Variants in TMEM266 observed in about 807,000 individuals in gnomAD.
TMEM266 encodes the protein transmembrane protein 266, also known as Hv1 related protein 1.
In TMEM266, 33 loss-of-function variants were observed where a neutral mutation model predicts 50.5. That is an observed-to-expected ratio of 0.65 (90% CI 0.50 to 0.87). The LOEUF (loss-of-function observed/expected upper bound fraction) is 0.87, where lower values mean the gene tolerates loss of function less well. Among genes scored for constraint, TMEM266 ranks in the 40% least tolerant of loss-of-function variants. The pLI is 0.00. For missense variants in TMEM266, 655 were observed against 695.1 expected, an observed-to-expected ratio of 0.94 and a Z score of 0.65; for synonymous variants, 310 against 292.3, an observed-to-expected ratio of 1.06 and a Z score of -0.62.
chr15:76,090,491 C>CAA (rs34778511), intron 1 of TMEM266, among the ~76,000 whole-genome samples: 20,510 of 73,910 alleles, frequency 0.28, 2,371 homozygotes, highest in Non-Finnish European at 0.37. Context: ...GACTCTGTCT[C>CAA]AAAAAAAAAA....
intron 1 of TMEM266, among the ~76,000 whole-genome samples, chr15:76,104,264 A>G (rs924360225): frequency 6.6e-6 from 1 of 152,190 alleles, no homozygotes; most frequent in Non-Finnish European, 1.5e-5. Flanking sequence ...TCTCCAATAT[A>G]GATAGTAGCC....
intron 9 of TMEM266, among the ~76,000 whole-genome samples, chr15:76,193,133 C>CTCTG (rs2038607148): frequency 6.6e-6 from 1 of 152,240 alleles, no homozygotes; most frequent in South Asian, 2.1e-4. Flanking sequence ...TTAACTCCAG[C>CTCTG]TCTGTCTGCC....
chr15:76,084,606 T>G (rs1206764598), intron 1 of TMEM266, among the ~76,000 whole-genome samples: 1 of 148,888 alleles, frequency 6.7e-6, no homozygotes, highest in South Asian at 2.1e-4. Context: ...TGGTTTTTTT[T>G]TTTTTGTTTT....
At chr15:76,203,632 A>T in intron 10 of TMEM266, 109 bp from the exon 11 acceptor site, 1 of 1,029,102 alleles carries the variant, frequency 9.7e-7, no homozygotes, top group African/African-American at 1.6e-5. Context: ...ACGGTCTCCT[A>T]CAGCCTAGCC....
In TMEM266 at chr15:76,137,892, A is replaced by G. The variant is rs2037616202; in HGVS notation, c.224A>G (p.Glu75Gly). The change falls in exon 3 of 11, where the codon GAA becomes GGA. Residue 75 changes from glutamate (E) to glycine (G), a missense_variant. By Grantham distance (98) the Glu-to-Gly change is moderately conservative. Coordinates refer to ENST00000388942, the MANE Select transcript of TMEM266 (RefSeq NM_152335.3). ...AATCTGGACGAAGATTACCAAAGAG[A>G]AGGGTAGGTGCTGGGACCATTGAGC... The G allele has an allele frequency of 6.3e-7, 1 of 1,577,664 alleles. No homozygotes were observed. The highest frequency in any genetic ancestry group is 8.6e-7 in the Non-Finnish European group (1 of 1,162,550).
At chr15:76,162,495 A>G (rs950793867) in intron 5 of TMEM266, among the ~76,000 whole-genome samples, 1 of 152,182 alleles carries the variant, frequency 6.6e-6, no homozygotes, top group African/African-American at 2.4e-5. Flanking sequence ...AATGACTGGG[A>G]TGCCCAGTAG....
intron 3 of TMEM266, among the ~76,000 whole-genome samples, chr15:76,143,210 G>A (rs1456607096): frequency 1.3e-5 from 2 of 152,058 alleles, no homozygotes; most frequent in African/African-American, 4.8e-5. Flanking sequence ...TCACACTCCA[G>A]TCTCGTGTCC....
intron 1 of TMEM266, among the ~76,000 whole-genome samples, chr15:76,125,155 G>A (rs769439342): frequency 1.3e-5 from 2 of 152,022 alleles, no homozygotes; most frequent in African/African-American, 2.4e-5. Flanking sequence ...TAATCTGAAC[G>A]CTTATCTTGC....
At chr15:76,084,182 T>C (rs1389598765) in intron 1 of TMEM266, among the ~76,000 whole-genome samples, 1 of 152,054 alleles carries the variant, frequency 6.6e-6, no homozygotes, top group African/African-American at 2.4e-5. Flanking sequence ...GGTGTGGTGA[T>C]ACATGCCTAT....
intron 1 of TMEM266, among the ~76,000 whole-genome samples, chr15:76,114,623 A>G (rs745585338): frequency 1.3e-5 from 2 of 152,190 alleles, no homozygotes; most frequent in Non-Finnish European, 2.9e-5. Flanking sequence ...ACTTTTTCAA[A>G]TTACTGTATA....
chr15:76,072,928 A>G (rs2036557753), intron 1 of TMEM266, among the ~76,000 whole-genome samples: 1 of 139,090 alleles, frequency 7.2e-6, no homozygotes, highest in Non-Finnish European at 1.5e-5. Flanking sequence ...AAGCCACTGC[A>G]TCCAGCCTTC....
chr15:76,185,308 T>TTC (rs369050718), intron 8 of TMEM266, among the ~76,000 whole-genome samples: 3 of 151,884 alleles, frequency 2.0e-5, no homozygotes, highest in Non-Finnish European at 2.9e-5. Flanking sequence ...CCACTATTCA[T>TTC]TCTCTCTCTC....
At chr15:76,136,218 C>T (rs2037586934) in intron 2 of TMEM266, among the ~76,000 whole-genome samples, 1 of 152,200 alleles carries the variant, frequency 6.6e-6, no homozygotes, top group Admixed American at 6.5e-5. Flanking sequence ...GTTGGGATTA[C>T]AGGCGTGAGC....
chr15:76,164,641 C>G (rs1444708235), intron 5 of TMEM266, among the ~76,000 whole-genome samples: 1 of 152,174 alleles, frequency 6.6e-6, no homozygotes, highest in African/African-American at 2.4e-5. Flanking sequence ...TAGTTTAACC[C>G]CAGGGAAAAT....
In TMEM266 at chr15:76,204,803, T is replaced by C. The variant is rs1022147829; in HGVS notation, c.*488T>C. ...CCTATGTCATTTGTCCTCATTCTCATTCCAGCATGAGCGTTTCTGAGTCTC... is the reference window on the plus strand; with the variant it reads ...CCTATGTCATTTGTCCTCATTCTCACTCCAGCATGAGCGTTTCTGAGTCTC... On this transcript the variant is annotated 3_prime_UTR_variant, in exon 11 of 11. Coordinates refer to ENST00000388942, the MANE Select transcript of TMEM266 (RefSeq NM_152335.3). 6.5e-6 allele frequency: 1 copy of C among 153,904 alleles called. No homozygotes were observed. Among genetic ancestry groups the C allele is most frequent in the Non-Finnish European group, 1.4e-5 (1 of 69,032 alleles). 9.5% of individuals were successfully genotyped at this position (153,904 alleles called of 1,614,324 possible). A position where few individuals can be genotyped will look rare whatever the true frequency, so the allele number is the denominator to read the frequency against.
At chr15:76,176,693 G>C (rs1322991188) in intron 8 of TMEM266, among the ~76,000 whole-genome samples, 1 of 152,210 alleles carries the variant, frequency 6.6e-6, no homozygotes, top group African/African-American at 2.4e-5. Flanking sequence ...TGTCCTGCCA[G>C]TGAAAGTGGA....
At chr15:76,177,002 G>A (rs1165958920) in intron 8 of TMEM266, among the ~76,000 whole-genome samples, 3 of 152,288 alleles carry the variant, frequency 2.0e-5, no homozygotes, top group African/African-American at 7.2e-5. Flanking sequence ...GTTGCGCTGT[G>A]CCCCTTGCCT....
intron 1 of TMEM266, among the ~76,000 whole-genome samples, chr15:76,117,237 C>A (rs555826478): frequency 1.4e-5 from 2 of 142,038 alleles, no homozygotes; most frequent in Non-Finnish European, 1.5e-5. Context: ...ATAAATTTGA[C>A]AGTGTGTACA....
intron 1 of TMEM266, among the ~76,000 whole-genome samples, chr15:76,088,521 G>A (rs1449389450): frequency 1.3e-5 from 2 of 152,160 alleles, no homozygotes; most frequent in African/African-American, 2.4e-5. Flanking sequence ...AAGTGGTTGG[G>A]CCCAGTGGCT....
Sources: allele counts gnomAD v4.1 joint callset (sites outside exome capture counted in the v4.1 genomes callset), GRCh38; gene constraint gnomAD v4.1.1; transcripts MANE v1.5; gene names NCBI Gene and HGNC (gene_info 2026-07-23, HGNC 2026-07-21).